PKD1L1: variants seen among roughly 807,000 people sequenced by gnomAD.
The protein encoded by PKD1L1 is polycystin-1-like protein 1.
A neutral mutation model predicts 323.4 loss-of-function variants in PKD1L1; 236 were observed. That is an observed-to-expected ratio of 0.73 (90% CI 0.66 to 0.81). PKD1L1 has a LOEUF of 0.81. Among genes scored for constraint, PKD1L1 ranks in the 40% least tolerant of loss-of-function variants. The pLI is 0.00. For synonymous variants in PKD1L1, 1,344 were observed against 1,335.0 expected (o/e 1.01, Z -0.15); for missense variants, 3,320 against 3,508.0 (o/e 0.95, Z 1.35).
intron 19 of PKD1L1, among the ~76,000 whole-genome samples, chr7:47,883,215 C>T (rs1786603696): frequency 6.6e-6 from 1 of 152,124 alleles, no homozygotes; most frequent in South Asian, 2.1e-4. Context: ...CAAAATGAAA[C>T]AAAAGCGTTC....
intron 30 of PKD1L1, 131 bp from the exon 31 acceptor site, chr7:47,853,358 C>G (rs562991243): frequency 1.5e-6 from 1 of 663,406 alleles, no homozygotes; most frequent in Admixed American, 2.6e-5. Flanking sequence ...TAGCCTGGGA[C>G]TAAAAAGGGT....
At chr7:47,881,808 T>C in intron 20 of PKD1L1, 101 bp downstream of exon 20, 2 of 1,137,866 alleles carry the variant, frequency 1.8e-6, no homozygotes, top group Non-Finnish European at 1.2e-6. Flanking sequence ...CAATTCTAAA[T>C]ACTTATCTAG....
Position 47,855,195 on chromosome 7 carries a change from C to G in PKD1L1, c.4661G>C (p.Arg1554Thr). 6.2e-7 allele frequency: 1 copy of G among 1,614,172 alleles called. No individual in the cohort carries two copies. The highest frequency in any genetic ancestry group is 8.5e-7 in the Non-Finnish European group (1 of 1,180,034). The stretch of plus-strand genomic sequence containing the variant: ...CCCAAACTCGACCATCACGGGTTTC[C>G]TTAGCCATTGCCTGTTGATGGGTCT... ...SRRPINRQWL[R>T]KPVMVEFGEE... Residue 1554 changes from arginine to threonine, a missense_variant, in exon 29 of 57, where the codon AGG (arginine) becomes ACG (threonine). Transcript: ENST00000289672.
At position 47,788,857 on chromosome 7, in the gene PKD1L1, G is replaced by A. The variant is rs994866730; in HGVS notation, c.8526+3770C>T. Among the ~76,000 whole-genome samples, 22 of 151,642 alleles carry A rather than the reference G, an allele frequency of 1.5e-4. No individual in the cohort carries two copies. The South Asian group carries it at 1.9e-3, about 13-fold the overall frequency. ...CATGATCCGCCCACCTTGGCCTCCC[G>A]AAGTGCTGGGATTTCAGGTGTAAGC... is the stretch of plus-strand genomic sequence containing the variant. On this transcript the variant is annotated intron_variant, in intron 56 of 56. Transcript: ENST00000289672.
At chr7:47,911,929 A>G (rs1380069722) in intron 8 of PKD1L1, among the ~76,000 whole-genome samples, 3 of 140,780 alleles carry the variant, frequency 2.1e-5, no homozygotes, top group African/African-American at 5.6e-5. Context: ...TGCTGTGAAG[A>G]AAAAAAAAAA....
intron 26 of PKD1L1, among the ~76,000 whole-genome samples, chr7:47,861,896 A>C (rs776399545): frequency 0.14 from 20,087 of 141,026 alleles, 1,992 homozygotes; most frequent in African/African-American, 0.16. Context: ...AAAAAAAAAA[A>C]AAAAAAAAAA....
At chr7:47,775,388 A>G (rs1390197568) in intron 56 of PKD1L1, among the ~76,000 whole-genome samples, 1 of 152,252 alleles carries the variant, frequency 6.6e-6, no homozygotes, top group Non-Finnish European at 1.5e-5. Context: ...ATTTTGGGCC[A>G]TTAAAACAAG....
At chr7:47,792,375 T>A (rs1786970612) in intron 56 of PKD1L1, among the ~76,000 whole-genome samples, 1 of 152,200 alleles carries the variant, frequency 6.6e-6, no homozygotes, top group Non-Finnish European at 1.5e-5. Flanking sequence ...CCTTGTTGAT[T>A]TCAGTTGTAA....
chr7:47,776,944 T>G (rs1658745961), intron 56 of PKD1L1, among the ~76,000 whole-genome samples: 1 of 152,214 alleles, frequency 6.6e-6, no homozygotes, highest in African/African-American at 2.4e-5. Flanking sequence ...CAGGCTGGAG[T>G]GTAGTGGTGC....
In PKD1L1 at chr7:47,800,813, G is replaced by A; in HGVS notation, c.8029C>T (p.Leu2677=). ...LHRFLLSMWV[L]PPGTFTDAFP... Reference sequence around the variant, plus strand: ...GCGTCTGTGAAGGTGCCAGGTGGTAGAACCCACATAGAGAGCAGAAATCGG... The same window carrying A: ...GCGTCTGTGAAGGTGCCAGGTGGTAAAACCCACATAGAGAGCAGAAATCGG... Residue 2677 remains leucine (L), a synonymous_variant, in exon 54 of 57, where the codon CTA becomes TTA. Coordinates refer to ENST00000289672, the MANE Select transcript of PKD1L1 (RefSeq NM_138295.5). 1 of 1,614,172 alleles carries A rather than the reference G, an allele frequency of 6.2e-7. No homozygotes were observed. The highest frequency in any genetic ancestry group is 2.2e-5 in the East Asian group (1 of 44,882).
At chr7:47,879,934 AAAAAAAT>A (rs1168802108) in intron 21 of PKD1L1, among the ~76,000 whole-genome samples, 1 of 113,668 alleles carries the variant, frequency 8.8e-6, no homozygotes. Context: ...CCGTCTCAAC[AAAAAAAT>A]AAAAAATAAA....
Position 47,840,474 on chromosome 7 carries a change from T to C in PKD1L1, c.5539A>G (p.Thr1847Ala). The C allele has an allele frequency of 6.2e-7, 1 of 1,613,262 alleles. No individual in the cohort carries two copies. The highest frequency in any genetic ancestry group is 8.5e-7 in the Non-Finnish European group (1 of 1,179,234). ...ATTTTGGAATACCTCAGGATAAAGGTGTGTCTGGAATTCCTTTCAAACAGG... is the reference window on the plus strand; with the variant it reads ...ATTTTGGAATACCTCAGGATAAAGGCGTGTCTGGAATTCCTTTCAAACAGG... ...KPLFERNSRH[T>A]FILSAPAQLG... Residue 1847 changes from threonine to alanine, a missense_variant, in exon 35 of 57, where the codon ACC becomes GCC. Thr to Ala is a moderately conservative substitution (Grantham distance 58). Transcript: ENST00000289672. This position sits in a 1 kb window ranked among gnomAD's most constrained non-coding sequence, Gnocchi z 4.1.
chr7:47,886,599 C>G (rs1335198765), intron 17 of PKD1L1, among the ~76,000 whole-genome samples: 1 of 152,010 alleles, frequency 6.6e-6, no homozygotes, highest in South Asian at 2.1e-4. Context: ...GCTCTGAGTT[C>G]GTGGGAAGTC....
chr7:47,917,595 A>G (rs1349281149), intron 7 of PKD1L1, among the ~76,000 whole-genome samples: 2 of 152,242 alleles, frequency 1.3e-5, no homozygotes, highest in Non-Finnish European at 2.9e-5. Flanking sequence ...GCACCAGGTA[A>G]CCTATAAAGG....
intron 37 of PKD1L1, among the ~76,000 whole-genome samples, chr7:47,836,151 C>T (rs1006633698): frequency 2.0e-5 from 3 of 152,114 alleles, no homozygotes; most frequent in East Asian, 1.9e-4. Flanking sequence ...AAATTCTGTG[C>T]GCTGTTATTT....
intron 50 of PKD1L1, among the ~76,000 whole-genome samples, 179 bp downstream of exon 50, chr7:47,811,638 G>C (rs930753644): frequency 6.6e-6 from 1 of 152,158 alleles, no homozygotes; most frequent in African/African-American, 2.4e-5. Flanking sequence ...GGTCTTCTTC[G>C]TCTCATGCCC....
chr7:47,848,986 G>T (rs565700275), intron 31 of PKD1L1, among the ~76,000 whole-genome samples: 1 of 152,106 alleles, frequency 6.6e-6, no homozygotes, highest in Non-Finnish European at 1.5e-5. Flanking sequence ...CATGCTACTG[G>T]CATAGAAATA....
intron 44 of PKD1L1, among the ~76,000 whole-genome samples, chr7:47,828,918 T>C (rs945006239): frequency 6.6e-6 from 1 of 152,214 alleles, no homozygotes; most frequent in Non-Finnish European, 1.5e-5. Flanking sequence ...GCTTAGTCAA[T>C]GAGCCTGTGA....
At chr7:47,943,163 AATAT>A (rs60168291) in intron 2 of PKD1L1, among the ~76,000 whole-genome samples, 465 of 33,990 alleles carry the variant, frequency 0.014, 4 homozygotes, top group African/African-American at 0.022. Context: ...AAAAAAAAAA[AATAT>A]ATATATATAT....
Sources: gnomAD v4.1 joint callset for allele counts (sites outside exome capture counted in the v4.1 genomes callset) on GRCh38, gnomAD v4.1.1 for gene constraint, Gnocchi (gnomAD v3.1) non-coding constraint, MANE v1.5 for transcripts, NCBI Gene and HGNC (gene_info 2026-07-23, HGNC 2026-07-21) for gene names.